Variants in ADCK1 observed in about 807,000 individuals in gnomAD.
The protein encoded by ADCK1 is aarF domain-containing protein kinase 1.
ADCK1 carries 41 observed loss-of-function variants against 52.3 expected under a neutral mutation model. The observed-to-expected ratio is 0.78, with a 90% CI of 0.61 to 1.02. The LOEUF is 1.02. Among genes scored for constraint, ADCK1 ranks in the 50% least tolerant of loss-of-function variants. The pLI is 0.00. For synonymous variants in ADCK1, 250 were observed against 274.6 expected, an observed-to-expected ratio of 0.91 and a Z score of 0.89; for missense variants, 658 against 679.5, an observed-to-expected ratio of 0.97 and a Z score of 0.35.
chr14:77,873,745 C>T (rs919533726), intron 4 of ADCK1, among the ~76,000 whole-genome samples: 5 of 152,272 alleles, frequency 3.3e-5, no homozygotes, highest in South Asian at 2.1e-4. Context: ...TCCTTCCTGC[C>T]GCCATGTGAA....
chr14:77,932,053 T>G (rs2084353694), intron 10 of ADCK1, among the ~76,000 whole-genome samples: 1 of 152,062 alleles, frequency 6.6e-6, no homozygotes, highest in Non-Finnish European at 1.5e-5. Context: ...TTTAATTTAT[T>G]TATTTTCTTT....
At chr14:77,887,331 A>G in intron 5 of ADCK1, 82 bp downstream of exon 5, 1 of 1,432,360 alleles carries the variant, frequency 7.0e-7, no homozygotes, top group Non-Finnish European at 9.2e-7. Context: ...AACTGGTTCA[A>G]GCTGGTGAGT....
At position 77,834,257 on chromosome 14, in the gene ADCK1, CTCTG is replaced by C. The variant is rs150307245; in HGVS notation, c.219+11743_219+11746del. On this transcript the variant is annotated intron_variant, in intron 3 of 10. Coordinates refer to ENST00000238561, the MANE Select transcript of ADCK1 (RefSeq NM_020421.4). ...ATTACAGGTTTGATTTTCTCTCTCT[CTCTG>C]TCTATCTAATGCATATGCAAATAAA... Among the ~76,000 whole-genome samples the C allele has an allele frequency of 6.1e-3, 926 of 152,228 alleles. 5 individuals are homozygous for C. Among genetic ancestry groups the C allele is most frequent in the African/African-American group, 0.021 (882 of 41,536 alleles).
rs1209438454 is a variant in ADCK1, at chr14:77,934,436, A to G, written c.*1045A>G. Reference sequence around the variant, plus strand: ...TTCCTGACTTATCCCTTTGGTTCTCATTCAGTGGCCCCAGTTTTAGGCCTG... The same window carrying G: ...TTCCTGACTTATCCCTTTGGTTCTCGTTCAGTGGCCCCAGTTTTAGGCCTG... On this transcript the variant is annotated 3_prime_UTR_variant, in exon 11 of 11. Transcript: ENST00000238561. 1.3e-5 allele frequency: 2 copies of G among 151,892 alleles called. No homozygotes were observed. The highest frequency in any genetic ancestry group is 4.8e-5 in the African/African-American group (2 of 41,306). 9.4% of individuals were successfully genotyped at this position (151,892 alleles called of 1,614,324 possible). A position where few individuals can be genotyped will look rare whatever the true frequency, so the allele number is the denominator to read the frequency against.
At chr14:77,855,001 A>G (rs1291720224) in intron 3 of ADCK1, among the ~76,000 whole-genome samples, 5 of 152,346 alleles carry the variant, frequency 3.3e-5, no homozygotes, top group Non-Finnish European at 7.4e-5. Flanking sequence ...GAGAGCTCCC[A>G]TGCCAACTAA....
intron 10 of ADCK1, among the ~76,000 whole-genome samples, chr14:77,932,908 T>A (rs1172166625): frequency 6.6e-6 from 1 of 152,248 alleles, no homozygotes; most frequent in African/African-American, 2.4e-5. Context: ...TTGGTTGGCA[T>A]AGATTTACTA....
chr14:77,924,742 AT>A, intron 8 of ADCK1, 136 bp downstream of exon 8: 1 of 1,253,070 alleles, frequency 8.0e-7, no homozygotes. Context: ...TGGAGCTGTC[AT>A]TTTGTGCAAG....
At chr14:77,884,592 A>C (rs1433981501) in intron 4 of ADCK1, among the ~76,000 whole-genome samples, 2 of 152,162 alleles carry the variant, frequency 1.3e-5, no homozygotes, top group African/African-American at 2.4e-5. Flanking sequence ...AGGAAAAGGA[A>C]TCATAGGGTG....
chr14:77,818,309 T>A (rs1473946585), intron 1 of ADCK1, among the ~76,000 whole-genome samples: 5 of 152,026 alleles, frequency 3.3e-5, no homozygotes, highest in African/African-American at 1.2e-4. Context: ...TGAGACAGGG[T>A]CTGGCTCTGT....
chr14:77,822,293 A>G, intron 2 of ADCK1, 142 bp from the exon 3 acceptor site: 1 of 663,040 alleles, frequency 1.5e-6, no homozygotes, highest in South Asian at 1.8e-5. Flanking sequence ...AATAAGATCC[A>G]GGGGCCAGGC....
intron 3 of ADCK1, among the ~76,000 whole-genome samples, chr14:77,834,577 C>T (rs1165004095): frequency 6.6e-6 from 1 of 152,230 alleles, no homozygotes; most frequent in Non-Finnish European, 1.5e-5. Flanking sequence ...GTGATCTTTT[C>T]CAAAGGCCAC....
chr14:77,843,222 C>T (rs1256255852), intron 3 of ADCK1, among the ~76,000 whole-genome samples: 2 of 152,062 alleles, frequency 1.3e-5, no homozygotes, highest in Non-Finnish European at 2.9e-5. Context: ...TTCCCACCAG[C>T]CCCCAAGAGC....
chr14:77,931,497 G>A (rs764371737), intron 9 of ADCK1, 21 bp from the exon 10 acceptor site: 4 of 1,607,336 alleles, frequency 2.5e-6, no homozygotes, highest in Admixed American at 1.7e-5. Context: ...ATCTGTTTCT[G>A]TTGCCCCATT....
chr14:77,826,571 T>C (rs1029125250), intron 3 of ADCK1, among the ~76,000 whole-genome samples: 1 of 152,182 alleles, frequency 6.6e-6, no homozygotes, highest in Admixed American at 6.5e-5. Context: ...GTGTTCAAGA[T>C]GCTTATAAAC....
intron 9 of ADCK1, 113 bp from the exon 10 acceptor site, chr14:77,931,405 T>C (rs1595110719): frequency 1.8e-6 from 2 of 1,098,838 alleles, no homozygotes; most frequent in Middle Eastern, 2.1e-4. Flanking sequence ...TGCCTGAAGC[T>C]CCCTCCTGGG....
intron 4 of ADCK1, among the ~76,000 whole-genome samples, chr14:77,885,908 A>G (rs1310982450): frequency 6.6e-6 from 1 of 152,170 alleles, no homozygotes; most frequent in African/African-American, 2.4e-5. Context: ...TTGGATCTGG[A>G]CATGTAGGTG....
intron 4 of ADCK1, among the ~76,000 whole-genome samples, chr14:77,875,255 G>C (rs1000617058): frequency 2.2e-4 from 33 of 152,050 alleles, no homozygotes; most frequent in Non-Finnish European, 1.5e-5. Flanking sequence ...AGGAGGTGGA[G>C]GTGCCACAGT....
chr14:77,880,378 T>G (rs2082995838), intron 4 of ADCK1, among the ~76,000 whole-genome samples: 2 of 152,246 alleles, frequency 1.3e-5, no homozygotes, highest in African/African-American at 4.8e-5. Flanking sequence ...GCCCTTCATT[T>G]TCTTTTCAGC....
chr14:77,910,997 G>T (rs970951223), intron 7 of ADCK1, among the ~76,000 whole-genome samples: 2 of 152,152 alleles, frequency 1.3e-5, no homozygotes, highest in African/African-American at 4.8e-5. Flanking sequence ...GGAGAGTGTT[G>T]GTTGTTTTCT....
Sources: gnomAD v4.1 joint callset for allele counts (sites outside exome capture counted in the v4.1 genomes callset) on GRCh38, gnomAD v4.1.1 for gene constraint, MANE v1.5 for transcripts, NCBI Gene and HGNC (gene_info 2026-07-23, HGNC 2026-07-21) for gene names.